SSPN: variants seen among roughly 807,000 people sequenced by gnomAD.
SSPN encodes sarcospan, also known as K-ras oncogene-associated protein.
In SSPN, 15 loss-of-function variants were observed where a neutral mutation model predicts 19.1. The observed-to-expected ratio is 0.78, with a 90% CI of 0.52 to 1.21. SSPN has a LOEUF of 1.21. Ranked by LOEUF, SSPN falls within the 50% of genes most tolerant of loss-of-function variation. The pLI is 0.00. For synonymous variants in SSPN, 147 were observed against 140.3 expected, an observed-to-expected ratio of 1.05 and a Z score of -0.34; for missense variants, 291 against 314.0, an observed-to-expected ratio of 0.93 and a Z score of 0.55.
rs192622965 is a variant in SSPN, at chr12:26,225,669, G to A, written c.366+1290G>A. Among the ~76,000 whole-genome samples, 293 of 150,382 alleles carry A rather than the reference G, an allele frequency of 1.9e-3. 3 individuals carry two copies. The highest frequency in any genetic ancestry group is 4.9e-4 in the Non-Finnish European group (33 of 67,816). ...TGTCTGAGGACTTTCCTTGAAAGAA[G>A]GCCAGATAGAGTAGACATCAGTCTA... On this transcript the variant is annotated intron_variant, in intron 2 of 2. Transcript: ENST00000242729.
intron 1 of SSPN, among the ~76,000 whole-genome samples, chr12:26,171,271 A>G (rs1009031730): frequency 6.6e-6 from 1 of 152,224 alleles, no homozygotes; most frequent in Admixed American, 6.5e-5. Flanking sequence ...TGAATTTGCC[A>G]TTGTAATAGC....
At chr12:26,196,629 T>G (rs2137457797) in intron 1 of SSPN, among the ~76,000 whole-genome samples, 1 of 152,342 alleles carries the variant, frequency 6.6e-6, no homozygotes, top group East Asian at 1.9e-4. Flanking sequence ...TTGAAACATG[T>G]AGCATACTTG....
In SSPN at chr12:26,208,987, A is replaced by T. The variant is rs1482560550; in HGVS notation, c.279+13036A>T. Among the ~76,000 whole-genome samples, 2 of 152,130 alleles carry T rather than the reference A, an allele frequency of 1.3e-5. 1 individual carries two copies. The highest frequency in any genetic ancestry group is 3.8e-4 in the East Asian group (2 of 5,200). On this transcript the variant is annotated intron_variant, in intron 1 of 2. Coordinates refer to ENST00000242729, the MANE Select transcript of SSPN (RefSeq NM_005086.5). ...GCATCTTGTTATAAAGATGATGGAT[A>T]AGCAGCCCACCCCCAACCCACCCTC...
chr12:26,219,479 C>T (rs1945095959), intron 1 of SSPN, among the ~76,000 whole-genome samples: 1 of 1,080 alleles, frequency 9.3e-4, no homozygotes, highest in Non-Finnish European at 0.019. Context: ...CTCGCACATC[C>T]ACAAAAAATG....
At chr12:26,142,805 G>T (rs1944468237) in intron 1 of SSPN, among the ~76,000 whole-genome samples, 1 of 152,204 alleles carries the variant, frequency 6.6e-6, no homozygotes, top group Admixed American at 6.5e-5. Flanking sequence ...GACCAAGAAG[G>T]AATAGTCAGA....
In SSPN at chr12:26,158,138, G is replaced by A. The variant is rs1008734823; in HGVS notation, c.-31+35986G>A. On this transcript the variant is annotated intron_variant, in intron 1 of 2. Coordinates refer to the SSPN transcript ENST00000538142. ...AGGATATTAATTCATGTAGCTTGAT[G>A]TGATGATCTTAAATGCTAACTCCTA... Among the ~76,000 whole-genome samples the A allele has an allele frequency of 5.3e-5, 8 of 152,148 alleles. No homozygotes were observed. The South Asian group carries it at 1.7e-3, about 32-fold the overall frequency.
intron 1 of SSPN, among the ~76,000 whole-genome samples, chr12:26,182,431 T>C (rs934465480): frequency 6.6e-6 from 1 of 152,226 alleles, no homozygotes; most frequent in Admixed American, 6.5e-5. Context: ...TAAATCATCA[T>C]TGATGACATT....
intron 1 of SSPN, chr12:26,123,764 C>A (rs1178737869): frequency 6.7e-7 from 1 of 1,502,530 alleles, no homozygotes; most frequent in South Asian, 1.1e-5. Context: ...AAAAAAGAAA[C>A]GGGCACTTGG....
At chr12:26,204,315 A>T (rs965394095) in intron 1 of SSPN, among the ~76,000 whole-genome samples, 4 of 152,124 alleles carry the variant, frequency 2.6e-5, no homozygotes, top group African/African-American at 9.7e-5. Flanking sequence ...GCATTTACAG[A>T]TTGCTTCTTT....
intron 2 of SSPN, among the ~76,000 whole-genome samples, chr12:26,227,790 G>C (rs1945192364): frequency 6.6e-6 from 1 of 152,196 alleles, no homozygotes; most frequent in Non-Finnish European, 1.5e-5. Flanking sequence ...AAGAAGTACA[G>C]GTGCACAGGG....
chr12:26,212,090 A>G (rs973992338), intron 1 of SSPN, among the ~76,000 whole-genome samples: 4 of 152,160 alleles, frequency 2.6e-5, no homozygotes, highest in Non-Finnish European at 4.4e-5. Flanking sequence ...TTGTTTTTAC[A>G]ATGTGTTTTC....
At chr12:26,192,194 C>CATAT (rs1944793381), upstream of SSPN, among the ~76,000 whole-genome samples, 1 of 152,132 alleles carries the variant, frequency 6.6e-6, no homozygotes, top group Non-Finnish European at 1.5e-5. Context: ...TAATCTAAAC[C>CATAT]ATATATTAAC....
At chr12:26,135,750 CCCCGGTG>C (rs1944421449) in intron 1 of SSPN, among the ~76,000 whole-genome samples, 3 of 152,212 alleles carry the variant, frequency 2.0e-5, no homozygotes, top group Non-Finnish European at 4.4e-5. Context: ...CCAAATATAG[CCCCGGTG>C]ACCACAAGCC....
intron 1 of SSPN, among the ~76,000 whole-genome samples, chr12:26,178,906 A>G (rs1029654937): frequency 6.6e-6 from 1 of 152,228 alleles, no homozygotes; most frequent in African/African-American, 2.4e-5. Flanking sequence ...TCACTTATAG[A>G]GTAGTCATTT....
rs770766998 is a variant in SSPN, at chr12:26,214,320, G to C, written c.280-9973G>C. ...GGAGCAGATGGTAGAATGTTCTTCA[G>C]ATCTCTGCAGTTCTTGCTTATAGTG... On this transcript the variant is annotated intron_variant, in intron 1 of 2. Transcript: ENST00000242729. Among the ~76,000 whole-genome samples, 5 of 152,264 alleles carry C rather than the reference G, an allele frequency of 3.3e-5. 1 individual carries two copies. In the Middle Eastern group the frequency reaches 0.014, roughly 414 times the overall value.
chr12:26,177,084 GA>G (rs1944688675), intron 1 of SSPN, among the ~76,000 whole-genome samples: 1 of 152,050 alleles, frequency 6.6e-6, no homozygotes, highest in Non-Finnish European at 1.5e-5. Context: ...GAGATAGAAA[GA>G]AAAAAAGTTC....
chr12:26,141,457 T>C (rs1004360748), intron 1 of SSPN, among the ~76,000 whole-genome samples: 1 of 152,208 alleles, frequency 6.6e-6, no homozygotes, highest in Admixed American at 6.5e-5. Flanking sequence ...TAAATTTGTG[T>C]TGTTTAAGCT....
At chr12:26,146,887 G>C (rs1032728556) in intron 1 of SSPN, among the ~76,000 whole-genome samples, 1 of 148,840 alleles carries the variant, frequency 6.7e-6, no homozygotes, top group African/African-American at 2.4e-5. Context: ...TTTAAGATTT[G>C]ATTGATTCAA....
intron 1 of SSPN, among the ~76,000 whole-genome samples, chr12:26,172,767 CT>C (rs59773537): frequency 1.3e-3 from 192 of 144,636 alleles, no homozygotes; most frequent in Middle Eastern, 7.1e-3. Flanking sequence ...CTTTCTCTCT[CT>C]TTTTTTTTTT....
Sources: allele counts gnomAD v4.1 joint callset (sites outside exome capture counted in the v4.1 genomes callset), GRCh38; gene constraint gnomAD v4.1.1; transcripts MANE v1.5; gene names NCBI Gene and HGNC (gene_info 2026-07-23, HGNC 2026-07-21).